Variants in PDE4D observed in about 807,000 individuals in gnomAD.
The protein encoded by PDE4D is phosphodiesterase 4D.
In PDE4D, 24 loss-of-function variants were observed where a neutral mutation model predicts 87.4. That is an observed-to-expected ratio of 0.27 (90% CI 0.20 to 0.39). The LOEUF (loss-of-function observed/expected upper bound fraction) is 0.39, where lower values mean the gene tolerates loss of function less well. PDE4D is among the 10% of genes least tolerant of loss of function. The probability of loss-of-function intolerance (pLI) is 1.00; values close to 1 mark genes in which losing one functional copy is unlikely to be tolerated. For synonymous variants in PDE4D, 384 were observed against 383.2 expected (o/e 1.00, Z -0.02); for missense variants, 714 against 1,041.0 (o/e 0.69, Z 4.32).
At chr5:60,509,768 G>T (rs1331116048) in intron 1 of PDE4D, among the ~76,000 whole-genome samples, 2 of 151,260 alleles carry the variant, frequency 1.3e-5, no homozygotes, top group African/African-American at 4.9e-5. Context: ...TCTTTTTTTT[G>T]TACTCAGTCT....
intron 1 of PDE4D, among the ~76,000 whole-genome samples, chr5:59,334,509 C>G (rs559862347): frequency 6.6e-6 from 1 of 152,138 alleles, no homozygotes; most frequent in East Asian, 1.9e-4. Flanking sequence ...CTGCCCGCCT[C>G]AGCCTCCCAA....
intron 1 of PDE4D, among the ~76,000 whole-genome samples, chr5:60,193,535 T>C (rs914914014): frequency 1.2e-3 from 184 of 150,176 alleles, no homozygotes; most frequent in African/African-American, 4.3e-3. Flanking sequence ...CCGGGCGAGG[T>C]GGCGGGCGCC....
intron 6 of PDE4D, among the ~76,000 whole-genome samples, chr5:58,997,258 C>T (rs2153348910): frequency 6.6e-6 from 1 of 152,182 alleles, no homozygotes; most frequent in Admixed American, 6.5e-5. Context: ...ACCATAAGTG[C>T]TTTCTCAACT....
At chr5:60,474,796 G>C (rs1238113761) in intron 1 of PDE4D, among the ~76,000 whole-genome samples, 4 of 152,096 alleles carry the variant, frequency 2.6e-5, no homozygotes, top group African/African-American at 4.8e-5. Context: ...CAATGTTCCT[G>C]TATGGAGCTC....
intron 1 of PDE4D, among the ~76,000 whole-genome samples, chr5:60,295,426 T>A (rs1753289311): frequency 6.6e-6 from 1 of 152,192 alleles, no homozygotes; most frequent in African/African-American, 2.4e-5. Context: ...TTGTTCCCAA[T>A]CTTATGGGAA....
intron 1 of PDE4D, among the ~76,000 whole-genome samples, chr5:59,853,500 T>C (rs992828027): frequency 4.6e-5 from 7 of 152,122 alleles, no homozygotes; most frequent in African/African-American, 1.7e-4. Flanking sequence ...TTCAGTTTCC[T>C]ATGCATATGT....
intron 1 of PDE4D, among the ~76,000 whole-genome samples, chr5:59,682,433 T>A (rs993722256): frequency 1.3e-5 from 2 of 152,214 alleles, no homozygotes; most frequent in African/African-American, 2.4e-5. Context: ...ATGACCTGAC[T>A]ATCATCCCCA....
intron 1 of PDE4D, among the ~76,000 whole-genome samples, chr5:59,534,216 G>A (rs945429791): frequency 1.3e-5 from 2 of 151,708 alleles, no homozygotes; most frequent in African/African-American, 4.8e-5. Flanking sequence ...AATTTTATTG[G>A]CAACCCAAAA....
intron 2 of PDE4D, among the ~76,000 whole-genome samples, chr5:59,999,801 G>C (rs947666949): frequency 6.6e-6 from 1 of 151,894 alleles, no homozygotes; most frequent in African/African-American, 2.4e-5. Context: ...TATTAAAGAA[G>C]TTCAATGTGC....
intron 3 of PDE4D, among the ~76,000 whole-genome samples, chr5:59,898,738 A>G (rs1350313341): frequency 3.3e-5 from 5 of 152,224 alleles, no homozygotes; most frequent in African/African-American, 1.2e-4. Context: ...CAGCTGAGCA[A>G]TAAGCAGAAG....
chr5:60,400,144 C>G (rs1239665411), intron 1 of PDE4D, among the ~76,000 whole-genome samples: 1 of 152,156 alleles, frequency 6.6e-6, no homozygotes, highest in Non-Finnish European at 1.5e-5. Flanking sequence ...CACAAAGTGA[C>G]CACTGCCTCA....
At chr5:59,399,505 G>A (rs1217834928) in intron 1 of PDE4D, among the ~76,000 whole-genome samples, 1 of 135,068 alleles carries the variant, frequency 7.4e-6, no homozygotes, top group Non-Finnish European at 1.7e-5. Flanking sequence ...TTAATAAACG[G>A]TTCTGGGAAA....
At chr5:59,689,957 C>G (rs930132001) in intron 1 of PDE4D, among the ~76,000 whole-genome samples, 24 of 152,126 alleles carry the variant, frequency 1.6e-4, no homozygotes, top group Admixed American at 1.2e-3. Context: ...GAAGTGAACT[C>G]CAATTCACAA....
chr5:60,443,929 A>G (rs1745435680), intron 1 of PDE4D, among the ~76,000 whole-genome samples: 1 of 152,078 alleles, frequency 6.6e-6, no homozygotes, highest in African/African-American at 2.4e-5. Context: ...GGTCCAAAAC[A>G]TGGCATATCC....
At chr5:60,515,229 C>T (rs1471101759) in intron 1 of PDE4D, among the ~76,000 whole-genome samples, 1 of 152,024 alleles carries the variant, frequency 6.6e-6, no homozygotes, top group South Asian at 2.1e-4. Flanking sequence ...TACTTTAGGG[C>T]TATATTGCCT....
intron 1 of PDE4D, among the ~76,000 whole-genome samples, chr5:60,330,693 ATTT>A (rs904343288): frequency 5.9e-5 from 9 of 152,372 alleles, no homozygotes; most frequent in Middle Eastern, 3.4e-3. Flanking sequence ...AGTTTGTGCC[ATTT>A]TTAAGTAAGA....
intron 2 of PDE4D, among the ~76,000 whole-genome samples, chr5:60,048,654 G>T (rs1459053986): frequency 6.6e-6 from 1 of 151,688 alleles, no homozygotes; most frequent in African/African-American, 2.4e-5. Context: ...TGAAATTCTG[G>T]GTTGAAAATT....
At chr5:60,390,651 A>G (rs1485907724) in intron 1 of PDE4D, among the ~76,000 whole-genome samples, 2 of 151,980 alleles carry the variant, frequency 1.3e-5, no homozygotes, top group Non-Finnish European at 2.9e-5. Flanking sequence ...TAATTTAAAA[A>G]AAAAAAAAAA....
At chr5:59,754,352 T>C (rs1760909245) in intron 1 of PDE4D, among the ~76,000 whole-genome samples, 1 of 152,078 alleles carries the variant, frequency 6.6e-6, no homozygotes, top group Non-Finnish European at 1.5e-5. Context: ...TAAGACAGTT[T>C]CTCAACGTAT....
Sources: allele counts gnomAD v4.1 joint callset (sites outside exome capture counted in the v4.1 genomes callset), GRCh38; gene constraint gnomAD v4.1.1; transcripts MANE v1.5; gene names NCBI Gene and HGNC (gene_info 2026-07-23, HGNC 2026-07-21).